IQCH: variants seen among roughly 807,000 people sequenced by gnomAD.
The protein encoded by IQCH is IQ domain-containing protein H.
IQCH carries 98 observed loss-of-function variants against 117.0 expected under a neutral mutation model. The ratio of observed to expected loss-of-function variants is 0.84; its 90% CI spans 0.71 to 0.99. The LOEUF (loss-of-function observed/expected upper bound fraction) is 0.99, where lower values mean the gene tolerates loss of function less well. Among genes scored for constraint, IQCH ranks in the 50% least tolerant of loss-of-function variants. The pLI, the probability that IQCH is intolerant of heterozygous loss-of-function variation, is 0.00. For missense variants in IQCH, 1,102 were observed against 1,243.8 expected, an observed-to-expected ratio of 0.89 and a Z score of 1.72; for synonymous variants, 412 against 448.2, an observed-to-expected ratio of 0.92 and a Z score of 1.02.
intron 16 of IQCH, among the ~76,000 whole-genome samples, chr15:67,462,038 C>T (rs1329600915): frequency 6.6e-6 from 1 of 151,840 alleles, no homozygotes; most frequent in Non-Finnish European, 1.5e-5. Context: ...TTATGTTGCC[C>T]AGGATCGTCT....
In IQCH at chr15:67,391,933, AATGTTAAC is replaced by A. The variant is rs1360448072; in HGVS notation, c.1632+2930_1632+2937del. On this transcript the variant is annotated intron_variant, in intron 12 of 20. Transcript: ENST00000335894. The surrounding 1 kb of genome is among the most constrained non-coding windows in gnomAD (Gnocchi z 4.3). ...CCATCCTGGCTGGAAATATGCTCAGAATGTTAACATTAGGTTCTATTGCTGCATCTGCC... is the reference window on the plus strand; with the variant it reads ...CCATCCTGGCTGGAAATATGCTCAGAATTAGGTTCTATTGCTGCATCTGCC... Among the ~76,000 whole-genome samples the A allele has an allele frequency of 6.6e-6, 1 of 152,172 alleles. No homozygotes were observed. Among genetic ancestry groups the A allele is most frequent in the Non-Finnish European group, 1.5e-5 (1 of 68,024 alleles).
chr15:67,377,115 C>CAAAAA (rs5813442), intron 10 of IQCH, among the ~76,000 whole-genome samples: 1 of 82,036 alleles, frequency 1.2e-5, no homozygotes, highest in Admixed American at 1.2e-4. Context: ...GACTCCATCT[C>CAAAAA]AAAAAAAAAA....
intron 6 of IQCH, among the ~76,000 whole-genome samples, chr15:67,349,509 C>T (rs1969554383): frequency 6.8e-6 from 1 of 148,118 alleles, no homozygotes; most frequent in Admixed American, 6.9e-5. Flanking sequence ...ATCCCAGCTA[C>T]TTGGGAGACT....
At chr15:67,468,894 A>T (rs1335774369) in intron 17 of IQCH, among the ~76,000 whole-genome samples, 1 of 152,238 alleles carries the variant, frequency 6.6e-6, no homozygotes, top group Non-Finnish European at 1.5e-5. Context: ...CAACTATGTC[A>T]ACTGAAATGC....
chr15:67,279,580 G>C (rs1267011435), intron 4 of IQCH, 68 bp downstream of exon 4: 48 of 804,526 alleles, frequency 6.0e-5, no homozygotes, highest in Non-Finnish European at 7.8e-5. Context: ...GAGGAGCAGA[G>C]ACTAGGAGTG....
rs1004722911 is a variant in IQCH, at chr15:67,408,908, T to C, written c.2098-8023T>C. On this transcript the variant is annotated intron_variant, in intron 14 of 20. Coordinates refer to ENST00000335894, the MANE Select transcript of IQCH (RefSeq NM_001031715.3). The surrounding 1 kb of genome is among the most constrained non-coding windows in gnomAD (Gnocchi z 4.2). ...AAAATATTGCATGATCTTAGAACAG[T>C]CATATGTATTTACTTGATATCACTC... 6.6e-6 allele frequency among the ~76,000 whole-genome samples: 1 copy of C among 152,196 alleles called. No individual in the cohort carries two copies. The highest frequency in any genetic ancestry group is 2.4e-5 in the African/African-American group (1 of 41,446).
In IQCH at chr15:67,433,240, A is replaced by G. The variant is rs2082055986; in HGVS notation, c.2505+11663A>G. Among the ~76,000 whole-genome samples, 1 of 152,248 alleles carries G rather than the reference A, an allele frequency of 6.6e-6. No individual in the cohort carries two copies. The highest frequency in any genetic ancestry group is 1.5e-5 in the Non-Finnish European group (1 of 68,046). ...GAAAGAGACCTATAATATGCAAGTA[A>G]TAGTAATGATGATGGCAATGATGAT... On this transcript the variant is annotated intron_variant, in intron 16 of 20. Transcript: ENST00000335894. The surrounding 1 kb of genome is among the most constrained non-coding windows in gnomAD (Gnocchi z 5.4).
intron 13 of IQCH, among the ~76,000 whole-genome samples, chr15:67,397,039 A>G (rs1328385676): frequency 5.3e-5 from 8 of 152,172 alleles, no homozygotes; most frequent in African/African-American, 7.2e-5. Flanking sequence ...ATTAGCCACC[A>G]CTGGAATTTG....
chr15:67,449,443 G>A (rs1418397425), intron 16 of IQCH, among the ~76,000 whole-genome samples: 1 of 152,042 alleles, frequency 6.6e-6, no homozygotes, highest in Non-Finnish European at 1.5e-5. Context: ...TTCTACATAT[G>A]GCTAGCCAGT....
chr15:67,386,172 G>A lies in IQCH; in HGVS notation c.1456+1153G>A, dbSNP rs1232600154. 6.6e-6 allele frequency among the ~76,000 whole-genome samples: 1 copy of A among 152,136 alleles called. No homozygotes were observed. The highest frequency in any genetic ancestry group is 2.4e-5 in the African/African-American group (1 of 41,438). On this transcript the variant is annotated intron_variant, in intron 11 of 20. Transcript: ENST00000335894. This position sits in a 1 kb window ranked among gnomAD's most constrained non-coding sequence, Gnocchi z 5.0. Reference sequence around the variant, plus strand: ...ACTGGATGGAAACCACTGAAGTGCAGCAGAGGGCAGACTTTCCTCTAATTT... The same window carrying A: ...ACTGGATGGAAACCACTGAAGTGCAACAGAGGGCAGACTTTCCTCTAATTT...
intron 4 of IQCH, among the ~76,000 whole-genome samples, chr15:67,292,518 G>A (rs984074024): frequency 1.3e-5 from 2 of 152,094 alleles, no homozygotes; most frequent in Admixed American, 1.3e-4. Context: ...CTCCCAAAAT[G>A]CTGGGATTAC....
chr15:67,388,280 T>C lies in IQCH; in HGVS notation c.1457-551T>C. Among the ~76,000 whole-genome samples, 1 of 152,214 alleles carries C rather than the reference T, an allele frequency of 6.6e-6. No individual in the cohort carries two copies. Among genetic ancestry groups the C allele is most frequent in the East Asian group, 1.9e-4 (1 of 5,204 alleles). On this transcript the variant is annotated intron_variant, in intron 11 of 20. Coordinates refer to ENST00000335894, the MANE Select transcript of IQCH (RefSeq NM_001031715.3). The surrounding 1 kb of genome is among the most constrained non-coding windows in gnomAD (Gnocchi z 5.5). ...ATCACTAGACCTGCTATTTAAGTAA[T>C]GTACTCCTCTTTGGGAATCAAGCAA...
Position 67,498,338 on chromosome 15 carries a change from G to A in IQCH, c.2971-2295G>A, listed in dbSNP as rs187032751. On this transcript the variant is annotated intron_variant, in intron 20 of 20. Transcript: ENST00000335894. Reference sequence around the variant, plus strand: ...TATAAAAATTAAGTTAAAATGGGCCGGGCGCGGTGGCTCACACCTGTAATC... The same window carrying A: ...TATAAAAATTAAGTTAAAATGGGCCAGGCGCGGTGGCTCACACCTGTAATC... Among the ~76,000 whole-genome samples, 1,222 of 152,152 alleles carry A rather than the reference G, an allele frequency of 8.0e-3. 16 individuals carry two copies. The highest frequency in any genetic ancestry group is 0.026 in the African/African-American group (1,076 of 41,532).
chr15:67,258,171 G>C (rs1414640149), intron 1 of IQCH, among the ~76,000 whole-genome samples: 1 of 151,122 alleles, frequency 6.6e-6, no homozygotes, highest in African/African-American at 2.4e-5. Context: ...GGTGGAGGGT[G>C]CAGTGAGCCG....
At position 67,432,058 on chromosome 15, in the gene IQCH, T is replaced by A. The variant is rs1296805398; in HGVS notation, c.2505+10481T>A. Among the ~76,000 whole-genome samples, 1 of 152,094 alleles carries A rather than the reference T, an allele frequency of 6.6e-6. No individual in the cohort carries two copies. Among genetic ancestry groups the A allele is most frequent in the Non-Finnish European group, 1.5e-5 (1 of 68,020 alleles). ...CTGTCTCAAAAATAAATAAATAAATTAACTCTTATTTTAGATAATTGTGAA... is the reference window on the plus strand; with the variant it reads ...CTGTCTCAAAAATAAATAAATAAATAAACTCTTATTTTAGATAATTGTGAA... On this transcript the variant is annotated intron_variant, in intron 16 of 20. Coordinates refer to ENST00000335894, the MANE Select transcript of IQCH (RefSeq NM_001031715.3). The surrounding 1 kb of genome is among the most constrained non-coding windows in gnomAD (Gnocchi z 5.0).
chr15:67,307,740 A>T (rs1269456095), intron 4 of IQCH, among the ~76,000 whole-genome samples: 1 of 152,164 alleles, frequency 6.6e-6, no homozygotes, highest in African/African-American at 2.4e-5. Flanking sequence ...ACTAAAAATA[A>T]AAAAAGGGAA....
chr15:67,443,538 G>T lies in IQCH; in HGVS notation c.2506-21589G>T, dbSNP rs866808441. On this transcript the variant is annotated intron_variant, in intron 16 of 20. Coordinates refer to ENST00000335894, the MANE Select transcript of IQCH (RefSeq NM_001031715.3). The surrounding 1 kb of genome is among the most constrained non-coding windows in gnomAD (Gnocchi z 5.0). ...AATCACCACAAAAGAACTTACTCAT[G>T]TAACCAAATACCACCTGTACCCCAG... Among the ~76,000 whole-genome samples, 1 of 152,144 alleles carries T rather than the reference G, an allele frequency of 6.6e-6. No individual in the cohort carries two copies. The highest frequency in any genetic ancestry group is 6.6e-5 in the Admixed American group (1 of 15,262).
At chr15:67,334,462 C>T (rs886984010) in intron 4 of IQCH, among the ~76,000 whole-genome samples, 20 of 152,152 alleles carry the variant, frequency 1.3e-4, no homozygotes, top group African/African-American at 4.6e-4. Flanking sequence ...TGTTTTGCAC[C>T]ATTGCTACCA....
chr15:67,498,576 A>G (rs2083889386), intron 20 of IQCH, among the ~76,000 whole-genome samples: 1 of 151,384 alleles, frequency 6.6e-6, no homozygotes, highest in Non-Finnish European at 1.5e-5. Flanking sequence ...AGATTGCACC[A>G]CTGCACTCCA....
Sources: gnomAD v4.1 joint callset for allele counts (sites outside exome capture counted in the v4.1 genomes callset) on GRCh38, gnomAD v4.1.1 for gene constraint, Gnocchi (gnomAD v3.1) non-coding constraint, MANE v1.5 for transcripts, NCBI Gene and HGNC (gene_info 2026-07-23, HGNC 2026-07-21) for gene names.